The following LRBA variants were observed in gnomAD, a reference collection of about 807,000 sequenced individuals.
LRBA encodes the protein lipopolysaccharide-responsive and beige-like anchor protein.
Under a neutral mutation model 330.0 loss-of-function variants are expected in LRBA, and 176 were observed. The observed-to-expected ratio is 0.53, with a 90% CI of 0.47 to 0.60. The LOEUF is 0.60. Among genes scored for constraint, LRBA ranks in the 20% least tolerant of loss-of-function variants. The pLI is 0.00. For missense variants in LRBA, 3,259 were observed against 3,444.8 expected, an observed-to-expected ratio of 0.95 and a Z score of 1.35; for synonymous variants, 1,230 against 1,193.0, an observed-to-expected ratio of 1.03 and a Z score of -0.64.
At chr4:150,637,596 G>T (rs946763779) in intron 37 of LRBA, among the ~76,000 whole-genome samples, 2 of 152,112 alleles carry the variant, frequency 1.3e-5, no homozygotes, top group Non-Finnish European at 2.9e-5. Context: ...TCTCTTGATG[G>T]CTTTGATGAA....
chr4:150,581,468 G>C (rs1771321418), intron 40 of LRBA: 1 of 299,922 alleles, frequency 3.3e-6, no homozygotes, highest in Non-Finnish European at 6.7e-6. Flanking sequence ...TTCCCCTTTC[G>C]CTTCCCATTT....
At chr4:151,006,371 C>T (rs928132865) in intron 2 of LRBA, among the ~76,000 whole-genome samples, 2 of 151,992 alleles carry the variant, frequency 1.3e-5, no homozygotes, top group Admixed American at 6.6e-5. Flanking sequence ...ATAATAGGAA[C>T]TAGGCTTCCT....
Position 150,275,678 on chromosome 4 carries a change from T to C in LRBA, c.8468+2175A>G, listed in dbSNP as rs144775977. ...ATCATGAGTGAACTCCCATTCACAA[T>C]TGCTACAAAGACAATTAAATACCTA... is the stretch of plus-strand genomic sequence containing the variant. On this transcript the variant is annotated intron_variant, in intron 56 of 56. Coordinates refer to ENST00000651943, the MANE Select transcript of LRBA (RefSeq NM_001364905.1). Among the ~76,000 whole-genome samples, 1,430 of 152,292 alleles carry C rather than the reference T, an allele frequency of 9.4e-3. 10 individuals are homozygous for C. Among genetic ancestry groups the C allele is most frequent in the Non-Finnish European group, 0.015 (1,045 of 68,026 alleles).
chr4:150,372,137 T>A (rs1463899640), intron 47 of LRBA, among the ~76,000 whole-genome samples: 2 of 152,198 alleles, frequency 1.3e-5, no homozygotes, highest in African/African-American at 4.8e-5. Context: ...TTCTTGTGAC[T>A]CCTTTTAGTT....
At chr4:150,951,274 G>A (rs994385492) in intron 2 of LRBA, among the ~76,000 whole-genome samples, 6 of 151,896 alleles carry the variant, frequency 4.0e-5, no homozygotes, top group Non-Finnish European at 8.8e-5. Flanking sequence ...CTGAATTATG[G>A]CACATACGTA....
intron 37 of LRBA, among the ~76,000 whole-genome samples, chr4:150,641,602 G>T (rs1313019433): frequency 6.6e-6 from 1 of 151,842 alleles, no homozygotes; most frequent in Non-Finnish European, 1.5e-5. Context: ...TTTCTTTGCA[G>T]CAAAAAGATT....
At chr4:150,690,501 CAAA>C (rs70941425) in intron 36 of LRBA, among the ~76,000 whole-genome samples, 21 of 123,752 alleles carry the variant, frequency 1.7e-4, no homozygotes, top group Admixed American at 2.4e-4. Flanking sequence ...GACTCCATCT[CAAA>C]AAAAAAAAAA....
intron 37 of LRBA, among the ~76,000 whole-genome samples, chr4:150,642,122 T>C (rs1410396346): frequency 6.6e-6 from 1 of 152,030 alleles, no homozygotes; most frequent in Non-Finnish European, 1.5e-5. Flanking sequence ...GTAAAATATG[T>C]TACCTGTAAA....
At chr4:150,459,673 T>C (rs1321881375) in intron 44 of LRBA, among the ~76,000 whole-genome samples, 1 of 151,926 alleles carries the variant, frequency 6.6e-6, no homozygotes, top group Non-Finnish European at 1.5e-5. Context: ...CGTTGGGAAC[T>C]CTCCCCATAT....
chr4:150,371,181 A>ATTTT (rs1274384749), intron 47 of LRBA, among the ~76,000 whole-genome samples: 1 of 136,752 alleles, frequency 7.3e-6, no homozygotes, highest in African/African-American at 3.2e-5. Context: ...CAAGCTACTA[A>ATTTT]ATTTTTTTTT....
chr4:150,432,629 T>C (rs1750585852), intron 46 of LRBA, among the ~76,000 whole-genome samples: 1 of 151,784 alleles, frequency 6.6e-6, no homozygotes, highest in South Asian at 2.1e-4. Context: ...GTATTTTTAG[T>C]AGAGACGGAG....
intron 38 of LRBA, among the ~76,000 whole-genome samples, chr4:150,596,598 A>G (rs1229538529): frequency 6.6e-6 from 1 of 151,936 alleles, no homozygotes; most frequent in Non-Finnish European, 1.5e-5. Context: ...GTATTTATCC[A>G]TGTTAAAATC....
rs1260829875 is a variant in LRBA, at chr4:150,868,261, A to C, written c.2494T>G (p.Cys832Gly). ...IATLLRNSPQ[C>G]PESMEVRRAF... ...CTGCGAACCTCCATGCTCTCTGGGC[A>C]CTGGGGAGAATTTCGAAGTAGGGTC... Residue 832 changes from cysteine (C) to glycine (G), a missense_variant, in exon 21 of 57, where the codon TGC becomes GGC. By Grantham distance (159) the Cys-to-Gly change is radical. Coordinates refer to ENST00000651943, the MANE Select transcript of LRBA (RefSeq NM_001364905.1). The C allele has an allele frequency of 5.0e-6, 8 of 1,612,454 alleles. No homozygotes were observed. The highest frequency in any genetic ancestry group is 6.8e-6 in the Non-Finnish European group (8 of 1,178,824).
chr4:150,725,310 T>G (rs531212318), intron 36 of LRBA, among the ~76,000 whole-genome samples: 45 of 151,610 alleles, frequency 3.0e-4, no homozygotes, highest in Non-Finnish European at 5.6e-4. Context: ...AATCTAAAGG[T>G]CAAGAATAAA....
chr4:150,832,349 T>C (rs1027272791), intron 28 of LRBA, among the ~76,000 whole-genome samples: 3 of 152,112 alleles, frequency 2.0e-5, no homozygotes, highest in African/African-American at 7.2e-5. Context: ...GTAATCCCAG[T>C]ACTTTGGGGG....
intron 37 of LRBA, among the ~76,000 whole-genome samples, chr4:150,641,784 T>C (rs1253901563): frequency 6.6e-6 from 1 of 152,062 alleles, no homozygotes; most frequent in Admixed American, 6.6e-5. Context: ...AGTGTCAATT[T>C]AAGTAAACTC....
chr4:150,692,227 TTTG>T (rs989311035), intron 36 of LRBA, among the ~76,000 whole-genome samples: 1 of 152,146 alleles, frequency 6.6e-6, no homozygotes. Context: ...TGTTTGTTTG[TTTG>T]TTTTTTCAGG....
At chr4:150,819,732 G>C (rs1487826132) in intron 30 of LRBA, among the ~76,000 whole-genome samples, 1 of 152,054 alleles carries the variant, frequency 6.6e-6, no homozygotes, top group Non-Finnish European at 1.5e-5. Flanking sequence ...ATTTATTCAA[G>C]ATGACATAGC....
intron 40 of LRBA, among the ~76,000 whole-genome samples, chr4:150,552,585 G>T (rs1022542055): frequency 6.6e-6 from 1 of 152,138 alleles, no homozygotes; most frequent in Non-Finnish European, 1.5e-5. Flanking sequence ...GGAAGACAGG[G>T]TGGTGATTCC....
Sources: gnomAD v4.1 joint callset for allele counts (sites outside exome capture counted in the v4.1 genomes callset) on GRCh38, gnomAD v4.1.1 for gene constraint, MANE v1.5 for transcripts, NCBI Gene and HGNC (gene_info 2026-07-23, HGNC 2026-07-21) for gene names.